The following CABCOCO1 variants were observed in gnomAD, a reference collection of about 807,000 sequenced individuals.
CABCOCO1 encodes ciliary associated calcium binding coiled-coil 1.
In CABCOCO1, 28 loss-of-function variants were observed where a neutral mutation model predicts 35.7. The observed-to-expected ratio is 0.78, with a 90% CI of 0.58 to 1.07. CABCOCO1 has a LOEUF of 1.07. Among genes scored for constraint, CABCOCO1 ranks in the 50% least tolerant of loss-of-function variants. The pLI, the probability that CABCOCO1 is intolerant of heterozygous loss-of-function variation, is 0.00. For synonymous variants in CABCOCO1, 95 were observed against 100.1 expected, an observed-to-expected ratio of 0.95 and a Z score of 0.30; for missense variants, 326 against 309.2, an observed-to-expected ratio of 1.05 and a Z score of -0.41.
At chr10:61,693,954 G>T (rs994978545) in intron 5 of CABCOCO1, among the ~76,000 whole-genome samples, 8 of 151,960 alleles carry the variant, frequency 5.3e-5, no homozygotes, top group Admixed American at 2.6e-4. Context: ...TCCTACTGCA[G>T]ACAGACAGAT....
intron 3 of CABCOCO1, among the ~76,000 whole-genome samples, chr10:61,681,610 A>C (rs1175695931): frequency 6.6e-6 from 1 of 152,080 alleles, no homozygotes; most frequent in Non-Finnish European, 1.5e-5. Context: ...ATTCTTGTGA[A>C]ATTTTTGTAA....
intron 5 of CABCOCO1, among the ~76,000 whole-genome samples, chr10:61,707,971 A>C (rs1234454792): frequency 6.6e-6 from 1 of 152,056 alleles, no homozygotes; most frequent in African/African-American, 2.4e-5. Context: ...TCTACAAAAT[A>C]AGGGGACTAA....
At chr10:61,692,697 A>G (rs1252151914) in intron 5 of CABCOCO1, among the ~76,000 whole-genome samples, 4 of 152,128 alleles carry the variant, frequency 2.6e-5, no homozygotes, top group African/African-American at 9.7e-5. Context: ...CTAATGCTAG[A>G]CTTTTAAAAG....
In CABCOCO1 at chr10:61,681,313, G is replaced by C. The variant is rs1186140131; in HGVS notation, c.334+1G>C. The C allele has an allele frequency of 6.5e-7, 1 of 1,529,142 alleles. No homozygotes were observed. The highest frequency in any genetic ancestry group is 8.9e-7 in the Non-Finnish European group (1 of 1,117,960). 94.7% of individuals were successfully genotyped at this position (1,529,142 alleles called of 1,614,324 possible). On this transcript the variant is annotated splice_donor_variant, in intron 3 of 7. Coordinates refer to ENST00000648843, the MANE Select transcript of CABCOCO1 (RefSeq NM_001366906.2). LOFTEE classifies it high-confidence loss of function. ...GCTATGTCACTTCAAAATCTTAAAA[G>C]TAAGTACACTATTTTCCTTTGAAGT...
intron 5 of CABCOCO1, among the ~76,000 whole-genome samples, chr10:61,712,893 T>C (rs1391999058): frequency 1.3e-5 from 2 of 152,210 alleles, no homozygotes. Context: ...TACCATGCTG[T>C]TTTGGTTACT....
intron 5 of CABCOCO1, among the ~76,000 whole-genome samples, chr10:61,714,008 G>C (rs1474350215): frequency 1.3e-5 from 2 of 152,102 alleles, no homozygotes; most frequent in African/African-American, 2.4e-5. Context: ...TTGGTATCAC[G>C]ATGATGTTGG....
chr10:61,692,991 A>G (rs1363055979), intron 5 of CABCOCO1, among the ~76,000 whole-genome samples: 1 of 152,162 alleles, frequency 6.6e-6, no homozygotes, highest in African/African-American at 2.4e-5. Flanking sequence ...AAAATTTCAG[A>G]AAGAACTCCC....
At position 61,759,917 on chromosome 10, in the gene CABCOCO1, G is replaced by A. The variant is rs1589158368; in HGVS notation, c.553-142G>A. The A allele has an allele frequency of 4.8e-6, 5 of 1,037,848 alleles. No homozygotes were observed. In the East Asian group the frequency reaches 1.3e-4, roughly 26 times the overall value. The allele number at this position is 1,037,848 out of a possible 1,614,324, so 64.3% of individuals were successfully genotyped here. On this transcript the variant is annotated intron_variant, in intron 5 of 7. Coordinates refer to ENST00000648843, the MANE Select transcript of CABCOCO1 (RefSeq NM_001366906.2). ...TCAAAAAGCACTAGAGGACAAAAAGGGCAATGGCATCAAAAATTCAAAGGA... is the reference window on the plus strand; with the variant it reads ...TCAAAAAGCACTAGAGGACAAAAAGAGCAATGGCATCAAAAATTCAAAGGA...
intron 5 of CABCOCO1, among the ~76,000 whole-genome samples, chr10:61,736,553 A>G (rs1841420433): frequency 2.0e-5 from 3 of 152,072 alleles, no homozygotes; most frequent in Admixed American, 2.0e-4. Flanking sequence ...GCTATGTAGT[A>G]TAGTTTCAAG....
At chr10:61,760,638 C>A (rs1336131869) in intron 6 of CABCOCO1, among the ~76,000 whole-genome samples, 1 of 151,940 alleles carries the variant, frequency 6.6e-6, no homozygotes, top group Non-Finnish European at 1.5e-5. Context: ...AACATCAGGA[C>A]AAATAGCTAA....
chr10:61,722,285 A>G (rs1346319319), intron 5 of CABCOCO1, among the ~76,000 whole-genome samples: 2 of 152,242 alleles, frequency 1.3e-5, no homozygotes, highest in Non-Finnish European at 1.5e-5. Context: ...ATAGTACATA[A>G]TAAACTGTCT....
At chr10:61,733,380 T>A (rs1214109452) in intron 5 of CABCOCO1, among the ~76,000 whole-genome samples, 1 of 152,010 alleles carries the variant, frequency 6.6e-6, no homozygotes, top group Non-Finnish European at 1.5e-5. Flanking sequence ...AGAAAAAATA[T>A]TTACCATATG....
chr10:61,668,010 G>C (rs908323104), intron 1 of CABCOCO1, among the ~76,000 whole-genome samples: 10 of 151,796 alleles, frequency 6.6e-5, no homozygotes, highest in African/African-American at 2.4e-4. Flanking sequence ...TTGGCAAATA[G>C]TCTTTTTCGT....
intron 7 of CABCOCO1, among the ~76,000 whole-genome samples, chr10:61,765,266 T>A (rs2588918): frequency 0.73 from 110,662 of 152,088 alleles, 40,344 homozygotes; most frequent in South Asian, 0.76. Context: ...TAATGTTCAG[T>A]TAATGTGAAC....
chr10:61,744,018 C>G (rs61850518), intron 5 of CABCOCO1, among the ~76,000 whole-genome samples: 9,222 of 152,122 alleles, frequency 0.061, 629 homozygotes, highest in African/African-American at 0.17. Context: ...AAAGTCAGAG[C>G]CTTTGTGTTG....
intron 5 of CABCOCO1, among the ~76,000 whole-genome samples, chr10:61,705,210 T>C (rs1564541909): frequency 6.6e-6 from 1 of 152,206 alleles, no homozygotes. Context: ...CTCCCTGTAC[T>C]CTTTGGCTTC....
chr10:61,713,281 G>A (rs943021373), intron 5 of CABCOCO1, among the ~76,000 whole-genome samples: 2 of 152,152 alleles, frequency 1.3e-5, no homozygotes, highest in African/African-American at 4.8e-5. Flanking sequence ...GTGAATGGGA[G>A]TTCACTCATG....
chr10:61,682,997 T>C (rs1839845043), intron 3 of CABCOCO1, among the ~76,000 whole-genome samples: 1 of 151,624 alleles, frequency 6.6e-6, no homozygotes, highest in African/African-American at 2.4e-5. Flanking sequence ...TTCAAGCGAT[T>C]CTCCTGCCTC....
intron 2 of CABCOCO1, among the ~76,000 whole-genome samples, chr10:61,678,722 T>C (rs2131967667): frequency 6.6e-6 from 1 of 152,244 alleles, no homozygotes; most frequent in East Asian, 1.9e-4. Context: ...TTCTTATTTT[T>C]ATTCAACAGA....
Sources: allele counts gnomAD v4.1 joint callset (sites outside exome capture counted in the v4.1 genomes callset), GRCh38; gene constraint gnomAD v4.1.1; transcripts MANE v1.5; gene names NCBI Gene and HGNC (gene_info 2026-07-23, HGNC 2026-07-21).